Variants in LARGE1 observed in about 807,000 individuals in gnomAD.
LARGE1 encodes the protein LARGE xylosyl- and glucuronyltransferase 1.
LARGE1 carries 43 observed loss-of-function variants against 87.6 expected under a neutral mutation model. The observed-to-expected ratio is 0.49, with a 90% CI of 0.38 to 0.63. The LOEUF is 0.63. LARGE1 is among the 30% of genes least tolerant of loss of function. LARGE1 has a pLI of 0.00. For missense variants in LARGE1, 802 were observed against 1,000.2 expected, an observed-to-expected ratio of 0.80 and a Z score of 2.67; for synonymous variants, 434 against 394.6, an observed-to-expected ratio of 1.10 and a Z score of -1.18.
At chr22:33,606,517 C>A (rs113565041) in intron 4 of LARGE1, among the ~76,000 whole-genome samples, 1 of 152,058 alleles carries the variant, frequency 6.6e-6, no homozygotes, top group East Asian at 1.9e-4. Context: ...TCTCGGCCGT[C>A]GGCATGGTCA....
rs751608219 is a variant in LARGE1, at chr22:33,564,881, C to T, written c.754G>A (p.Ala252Thr). 1.5e-5 allele frequency: 24 copies of T among 1,614,064 alleles called. No homozygotes were observed. Among genetic ancestry groups the T allele is most frequent in the Non-Finnish European group, 1.9e-5 (23 of 1,180,044 alleles). The change falls in exon 6 of 15, where the codon GCA becomes ACA. Residue 252 changes from alanine (A) to threonine (T), a missense_variant. Transcript: ENST00000397394. ...TTGTGGAACACAGCCCACAGCTCTG[C>T]AATGTCAGTGGCAAAGGTGATATCC... ...DTDITFATDIAELWAVFHKFK... is the reference protein window; with the variant it reads ...DTDITFATDITELWAVFHKFK...
chr22:33,069,833 T>TC, the LARGE1 span, among the ~76,000 whole-genome samples: 4 of 151,402 alleles, frequency 2.6e-5, no homozygotes, highest in South Asian at 8.4e-4. Flanking sequence ...TTTTTTTTTT[T>TC]TGAGACGGAG....
chr22:33,519,818 C>T (rs774357071), intron 6 of LARGE1, among the ~76,000 whole-genome samples: 17 of 152,032 alleles, frequency 1.1e-4, no homozygotes, highest in African/African-American at 1.7e-4. Context: ...CTGTTTATGA[C>T]GCTGGGTAAA....
intron 2 of LARGE1, among the ~76,000 whole-genome samples, chr22:33,707,858 T>C (rs538898714): frequency 2.0e-5 from 3 of 152,226 alleles, no homozygotes; most frequent in African/African-American, 7.2e-5. Flanking sequence ...AAATCAACAA[T>C]ATCAAGCACA....
At chr22:33,144,758 T>C in the LARGE1 span, among the ~76,000 whole-genome samples, 1 of 152,188 alleles carries the variant, frequency 6.6e-6, no homozygotes, top group East Asian at 1.9e-4. Context: ...ATACATCTTT[T>C]ATGTTCCAAG....
chr22:33,886,554 G>C (rs547171372), intron 1 of LARGE1, among the ~76,000 whole-genome samples: 1 of 147,824 alleles, frequency 6.8e-6, no homozygotes, highest in South Asian at 2.2e-4. Flanking sequence ...GCCCACACCT[G>C]TAATCCCAGC....
chr22:33,169,438 T>C (rs1418809238), intron 11 of LARGE1, among the ~76,000 whole-genome samples: 2 of 152,178 alleles, frequency 1.3e-5, no homozygotes, highest in African/African-American at 2.4e-5. Context: ...GACATGACTT[T>C]CAGGCTATAA....
At chr22:33,270,363 C>T (rs1032251073), downstream of LARGE1, among the ~76,000 whole-genome samples, 1 of 152,102 alleles carries the variant, frequency 6.6e-6, no homozygotes, top group African/African-American at 2.4e-5. Flanking sequence ...TACGACTGTA[C>T]AAGCCTCGCA....
chr22:33,666,003 A>C (rs570295584), intron 2 of LARGE1, among the ~76,000 whole-genome samples: 3 of 151,810 alleles, frequency 2.0e-5, no homozygotes, highest in Non-Finnish European at 4.4e-5. Flanking sequence ...GATCAAATTG[A>C]CTCCAAAAAA....
chr22:33,516,490 ACCAGG>A (rs2071308885), intron 6 of LARGE1, among the ~76,000 whole-genome samples: 1 of 152,082 alleles, frequency 6.6e-6, no homozygotes, highest in Admixed American at 6.5e-5. Context: ...TTCATTTTGC[ACCAGG>A]CCTCACAAAT....
intron 6 of LARGE1, among the ~76,000 whole-genome samples, chr22:33,544,641 C>T (rs546759626): frequency 1.8e-4 from 27 of 152,122 alleles, no homozygotes; most frequent in African/African-American, 2.7e-4. Flanking sequence ...GAGATCACAC[C>T]GCTGCAGTCC....
chr22:33,764,189 C>G (rs1233767830), intron 1 of LARGE1, among the ~76,000 whole-genome samples: 25 of 152,032 alleles, frequency 1.6e-4, no homozygotes, highest in Non-Finnish European at 4.4e-5. Context: ...ACATTTCCCC[C>G]ACAGGATTGG....
At position 33,774,355 on chromosome 22, in the gene LARGE1, C is replaced by G. The variant is rs1353572415; in HGVS notation, c.-82-12797G>C. Among the ~76,000 whole-genome samples, 3 of 150,436 alleles carry G rather than the reference C, an allele frequency of 2.0e-5. No individual in the cohort carries two copies. The East Asian group carries it at 5.9e-4, about 30-fold the overall frequency. On this transcript the variant is annotated intron_variant, in intron 1 of 14. Transcript: ENST00000397394. ...ATAGGAGACGTTAATCTTTTTTTTT[C>G]TTTCTTTCTTTCTTTTTTTGAGACG...
chr22:33,345,031 A>G (rs1939599658), intron 9 of LARGE1, among the ~76,000 whole-genome samples: 1 of 152,204 alleles, frequency 6.6e-6, no homozygotes, highest in South Asian at 2.1e-4. Flanking sequence ...AAGGATTGTG[A>G]TGAAAATCTG....
intron 6 of LARGE1, among the ~76,000 whole-genome samples, chr22:33,474,398 G>A (rs1157193444): frequency 1.3e-5 from 2 of 152,148 alleles, no homozygotes; most frequent in Non-Finnish European, 2.9e-5. Context: ...CCTGACCTCA[G>A]GTGATCCACC....
chr22:33,310,759 G>A lies in LARGE1; in HGVS notation c.1451+5326C>T, dbSNP rs912153198. 3.9e-5 allele frequency among the ~76,000 whole-genome samples: 6 copies of A among 152,102 alleles called. 1 individual carries two copies. Among genetic ancestry groups the A allele is most frequent in the Admixed American group, 2.0e-4 (3 of 15,254 alleles). ...CCATTCTTCATAAGCCTGCAGTGCC[G>A]CTTTATAATTTTTAATTGTGGCCCG... On this transcript the variant is annotated intron_variant, in intron 11 of 14. Coordinates refer to ENST00000397394, the MANE Select transcript of LARGE1 (RefSeq NM_133642.5).
At chr22:33,455,856 G>A (rs191690471) in intron 6 of LARGE1, among the ~76,000 whole-genome samples, 21 of 152,142 alleles carry the variant, frequency 1.4e-4, no homozygotes, top group African/African-American at 4.1e-4. Context: ...TGAAGAGTGA[G>A]TTTGAATACT....
chr22:33,347,088 T>A (rs1490935177), intron 9 of LARGE1, among the ~76,000 whole-genome samples: 2 of 152,202 alleles, frequency 1.3e-5, no homozygotes. Flanking sequence ...AGTTCTCAGG[T>A]AAGAAATTCA....
intron 11 of LARGE1, among the ~76,000 whole-genome samples, chr22:33,198,677 G>A (rs1198023800): frequency 2.5e-5 from 2 of 78,996 alleles, no homozygotes; most frequent in Non-Finnish European, 2.4e-5. Context: ...ACACACACAC[G>A]TATCTAAAAT....
Sources: gnomAD v4.1 joint callset for allele counts (sites outside exome capture counted in the v4.1 genomes callset) on GRCh38, gnomAD v4.1.1 for gene constraint, MANE v1.5 for transcripts, NCBI Gene and HGNC (gene_info 2026-07-23, HGNC 2026-07-21) for gene names.